Variants in PAK1 observed in about 807,000 individuals in gnomAD.
PAK1 encodes the protein serine/threonine-protein kinase PAK 1.
In PAK1, 29 loss-of-function variants were observed where a neutral mutation model predicts 67.4. The ratio of observed to expected loss-of-function variants is 0.43; its 90% confidence interval spans 0.32 to 0.59. The LOEUF (loss-of-function observed/expected upper bound fraction) is 0.59, where lower values mean the gene tolerates loss of function less well. Among genes scored for constraint, PAK1 ranks in the 20% least tolerant of loss-of-function variants. The probability of loss-of-function intolerance (pLI) is 0.07; values close to 1 mark genes in which losing one functional copy is unlikely to be tolerated. For missense variants in PAK1, 337 were observed against 670.7 expected, an observed-to-expected ratio of 0.50 and a Z score of 5.50; for synonymous variants, 223 against 237.4, an observed-to-expected ratio of 0.94 and a Z score of 0.56.
chr11:77,339,659 A>G (rs1414775363), intron 11 of PAK1, among the ~76,000 whole-genome samples: 3 of 152,092 alleles, frequency 2.0e-5, no homozygotes, highest in African/African-American at 7.2e-5. Context: ...GATTAAATAT[A>G]TAACTACATA....
intron 11 of PAK1, among the ~76,000 whole-genome samples, chr11:77,339,221 T>C (rs1025334319): frequency 6.6e-6 from 1 of 152,194 alleles, no homozygotes; most frequent in Non-Finnish European, 1.5e-5. Context: ...GTGTGAATGT[T>C]GCAATTTCCA....
At chr11:77,419,089 T>C (rs950382197) in intron 1 of PAK1, among the ~76,000 whole-genome samples, 1 of 152,194 alleles carries the variant, frequency 6.6e-6, no homozygotes, top group Non-Finnish European at 1.5e-5. Context: ...TCTCTTTCAA[T>C]GGTGGGTGCT....
chr11:77,475,347 C>A (rs1958044246), upstream of PAK1: 1 of 152,212 alleles, frequency 6.6e-6, no homozygotes, highest in African/African-American at 2.4e-5. Flanking sequence ...AACCTTTAGT[C>A]TCTTCAAACT....
At chr11:77,526,915 CAAA>C in the PAK1 span, among the ~76,000 whole-genome samples, 4 of 98,286 alleles carry the variant, frequency 4.1e-5, no homozygotes, top group Non-Finnish European at 2.1e-5. Flanking sequence ...GACTCCATCG[CAAA>C]AAAAAAAAAA....
intron 1 of PAK1, among the ~76,000 whole-genome samples, chr11:77,449,669 C>T (rs1956770039): frequency 7.3e-6 from 1 of 137,690 alleles, no homozygotes; most frequent in Admixed American, 7.6e-5. Context: ...ATGAATAATG[C>T]TTTCCTTTTC....
chr11:77,514,885 C>T, the PAK1 span: 9 of 111,970 alleles, frequency 8.0e-5, no homozygotes. Flanking sequence ...TTAAGCAACT[C>T]ACCACTAATG....
intron 14 of PAK1, among the ~76,000 whole-genome samples, chr11:77,324,375 A>G (rs1939186656): frequency 6.6e-6 from 1 of 151,940 alleles, no homozygotes; most frequent in East Asian, 1.9e-4. Flanking sequence ...GTTTTGCCAT[A>G]CTGTCCAGGC....
At chr11:77,485,940 C>T in the PAK1 span, among the ~76,000 whole-genome samples, 1 of 152,174 alleles carries the variant, frequency 6.6e-6, no homozygotes, top group Non-Finnish European at 1.5e-5. Flanking sequence ...GATGGCAGCT[C>T]CAGTGGCCAG....
At chr11:77,486,526 G>C in the PAK1 span, among the ~76,000 whole-genome samples, 3 of 152,262 alleles carry the variant, frequency 2.0e-5, no homozygotes, top group East Asian at 5.8e-4. Context: ...TACTTAAAGA[G>C]CACATAAAAG....
chr11:77,354,881 G>A (rs987998104), intron 7 of PAK1, among the ~76,000 whole-genome samples: 14 of 152,140 alleles, frequency 9.2e-5, no homozygotes, highest in African/African-American at 3.1e-4. Context: ...GATCAACCTA[G>A]TTCTTCCTTC....
chr11:77,499,636 T>A, the PAK1 span, among the ~76,000 whole-genome samples: 1 of 152,220 alleles, frequency 6.6e-6, no homozygotes, highest in Non-Finnish European at 1.5e-5. Context: ...CTCTTAAGTA[T>A]TCCAGTGATA....
rs540968038 is a variant in PAK1 at position 77,445,630 on chromosome 11, C to T, written c.-22+27922G>A. Among the ~76,000 whole-genome samples the T allele has an allele frequency of 2.3e-3, 345 of 152,282 alleles. 2 individuals are homozygous for T. The highest frequency in any genetic ancestry group is 4.0e-3 in the Non-Finnish European group (271 of 68,030). ...CACTGTTGTTTTAGAATGTGATAACCAGAAAATCACTTTTCCTACTTCCCT... is the reference window on the plus strand; with the variant it reads ...CACTGTTGTTTTAGAATGTGATAACTAGAAAATCACTTTTCCTACTTCCCT... On this transcript the variant is annotated intron_variant, in intron 1 of 14. Coordinates refer to ENST00000356341, the MANE Select transcript of PAK1 (RefSeq NM_002576.5).
chr11:77,336,298 AAGAG>A lies in PAK1; in HGVS notation c.1217-20_1217-17del. ...CCAAAGTCAGCTAGAAAAGAAAAAT[AAGAG>A]AAAGAACATACATTTAGGATATACA... On this transcript the variant is annotated splice_polypyrimidine_tract_variant and intron_variant, in intron 12 of 14. Coordinates refer to ENST00000356341, the MANE Select transcript of PAK1 (RefSeq NM_002576.5). The A allele has an allele frequency of 6.3e-7, 1 of 1,587,588 alleles. No homozygotes were observed. Among genetic ancestry groups the A allele is most frequent in the Non-Finnish European group, 8.6e-7 (1 of 1,157,814 alleles).
chr11:77,375,448 A>G (rs150132773), intron 4 of PAK1, among the ~76,000 whole-genome samples: 83 of 152,304 alleles, frequency 5.4e-4, no homozygotes, highest in Non-Finnish European at 1.1e-3. Context: ...AAGTCTAATT[A>G]AAGGTAGGGT....
intron 1 of PAK1, among the ~76,000 whole-genome samples, chr11:77,446,199 G>A (rs1302376059): frequency 6.6e-6 from 1 of 152,068 alleles, no homozygotes; most frequent in African/African-American, 2.4e-5. Flanking sequence ...AGGCTGTGCT[G>A]GCCTATCCTT....
At chr11:77,365,261 A>AG (rs2136739503) in intron 5 of PAK1, among the ~76,000 whole-genome samples, 1 of 86,000 alleles carries the variant, frequency 1.2e-5, no homozygotes, top group Non-Finnish European at 2.4e-5. Context: ...CAAAAAAAAA[A>AG]AAAAAAAGAA....
At chr11:77,337,090 A>G (rs916105761) in intron 12 of PAK1, among the ~76,000 whole-genome samples, 1 of 151,636 alleles carries the variant, frequency 6.6e-6, no homozygotes. Flanking sequence ...GACCTAGCAC[A>G]GAGTAACCAT....
intron 2 of PAK1, among the ~76,000 whole-genome samples, chr11:77,382,138 T>C (rs1026602555): frequency 6.6e-6 from 1 of 152,192 alleles, no homozygotes; most frequent in Non-Finnish European, 1.5e-5. Context: ...TTCTATTATA[T>C]ATAATTGATA....
At chr11:77,391,399 G>C (rs905638817) in intron 2 of PAK1, among the ~76,000 whole-genome samples, 1 of 152,134 alleles carries the variant, frequency 6.6e-6, no homozygotes, top group Admixed American at 6.6e-5. Flanking sequence ...TTTTAAAATA[G>C]GAAACTAAAT....
Sources: gnomAD v4.1 joint callset for allele counts (sites outside exome capture counted in the v4.1 genomes callset) on GRCh38, gnomAD v4.1.1 for gene constraint, MANE v1.5 for transcripts, NCBI Gene and HGNC (gene_info 2026-07-23, HGNC 2026-07-21) for gene names.